The following LRBA variants were observed in gnomAD, a reference collection of about 807,000 sequenced individuals.
The protein encoded by LRBA is LPS responsive beige-like anchor protein.
LRBA carries 176 observed loss-of-function variants against 330.0 expected under a neutral mutation model. That is an observed-to-expected ratio of 0.53 (90% CI 0.47 to 0.60). The LOEUF is 0.60. Among genes scored for constraint, LRBA ranks in the 20% least tolerant of loss-of-function variants. The probability of loss-of-function intolerance (pLI) is 0.00; values close to 1 mark genes in which losing one functional copy is unlikely to be tolerated. For synonymous variants in LRBA, 1,230 were observed against 1,193.0 expected, an observed-to-expected ratio of 1.03 and a Z score of -0.64; for missense variants, 3,259 against 3,444.8, an observed-to-expected ratio of 0.95 and a Z score of 1.35.
chr4:150,409,311 A>G (rs955585969), intron 47 of LRBA, among the ~76,000 whole-genome samples: 1 of 152,078 alleles, frequency 6.6e-6, no homozygotes, highest in African/African-American at 2.4e-5. Flanking sequence ...AACCTGTGAG[A>G]CAATAAATTT....
intron 37 of LRBA, among the ~76,000 whole-genome samples, chr4:150,613,393 G>A (rs9999828): frequency 0.37 from 56,055 of 152,124 alleles, 12,373 homozygotes; most frequent in Admixed American, 0.49. Flanking sequence ...AGAGTTAACA[G>A]ATGTTAACCA....
chr4:150,975,300 G>A (rs1003183701), intron 2 of LRBA, among the ~76,000 whole-genome samples: 5 of 152,118 alleles, frequency 3.3e-5, no homozygotes, highest in East Asian at 1.9e-4. Flanking sequence ...AAGCCAAGGC[G>A]GGTGGGATCA....
At chr4:150,911,051 A>C (rs1731937635) in intron 9 of LRBA, among the ~76,000 whole-genome samples, 1 of 152,036 alleles carries the variant, frequency 6.6e-6, no homozygotes, top group Non-Finnish European at 1.5e-5. Context: ...GTGCCTTGGA[A>C]CTCTGCAGAA....
intron 40 of LRBA, among the ~76,000 whole-genome samples, chr4:150,538,693 C>CA (rs1764959589): frequency 6.6e-6 from 1 of 151,728 alleles, no homozygotes; most frequent in African/African-American, 2.4e-5. Context: ...GCCAGGCGCA[C>CA]ACCTGTAATC....
intron 52 of LRBA, among the ~76,000 whole-genome samples, chr4:150,309,690 A>T (rs1320327779): frequency 6.6e-6 from 1 of 152,112 alleles, no homozygotes; most frequent in African/African-American, 2.4e-5. Context: ...TAGACTGAAA[A>T]TTTTTATATT....
intron 47 of LRBA, among the ~76,000 whole-genome samples, chr4:150,394,081 T>C (rs947985402): frequency 1.3e-5 from 2 of 152,204 alleles, no homozygotes; most frequent in African/African-American, 4.8e-5. Flanking sequence ...GCAGAGAAGA[T>C]TTAATCTTCT....
intron 2 of LRBA, among the ~76,000 whole-genome samples, chr4:150,939,723 T>C (rs571611372): frequency 6.6e-6 from 1 of 152,324 alleles, no homozygotes; most frequent in South Asian, 2.1e-4. Flanking sequence ...TCAGCTTATC[T>C]TCACCCAGAC....
intron 53 of LRBA, among the ~76,000 whole-genome samples, chr4:150,295,289 C>A (rs1051237866): frequency 6.7e-6 from 1 of 150,366 alleles, no homozygotes; most frequent in Non-Finnish European, 1.5e-5. Context: ...GCAGCCTTGA[C>A]CTCCCTGGGC....
chr4:150,615,614 G>A (rs1475594276), intron 37 of LRBA, among the ~76,000 whole-genome samples: 1 of 152,108 alleles, frequency 6.6e-6, no homozygotes. Flanking sequence ...TGAGAAAAAA[G>A]AGAATGTGAG....
intron 35 of LRBA, among the ~76,000 whole-genome samples, chr4:150,735,848 G>C (rs1390235591): frequency 1.3e-5 from 2 of 152,108 alleles, no homozygotes; most frequent in African/African-American, 4.8e-5. Flanking sequence ...AGGAGTCCCG[G>C]TAGACTACCC....
At chr4:150,323,544 C>T (rs981536326) in intron 49 of LRBA, among the ~76,000 whole-genome samples, 1 of 152,178 alleles carries the variant, frequency 6.6e-6, no homozygotes, top group African/African-American at 2.4e-5. Context: ...AACTCTAAGC[C>T]ACACGGCAAG....
At position 150,927,326 on chromosome 4, in the gene LRBA, TCATGG is replaced by T. The variant is rs938009085; in HGVS notation, c.549+1185_549+1189del. Among the ~76,000 whole-genome samples the T allele has an allele frequency of 4.1e-5, 6 of 147,146 alleles. No individual in the cohort carries two copies. In the Admixed American group the frequency reaches 4.1e-4, roughly 10 times the overall value. ...AGGCAGAGCTTGCAGTGAGCCGAGATCATGGCACTGCACTCCAGGCTGGGCAACAG... is the reference window on the plus strand; with the variant it reads ...AGGCAGAGCTTGCAGTGAGCCGAGATCACTGCACTCCAGGCTGGGCAACAG... On this transcript the variant is annotated intron_variant, in intron 4 of 56. Coordinates refer to ENST00000651943, the MANE Select transcript of LRBA (RefSeq NM_001364905.1).
chr4:151,003,152 T>C (rs1449754184), intron 2 of LRBA, among the ~76,000 whole-genome samples: 1 of 151,486 alleles, frequency 6.6e-6, no homozygotes, highest in South Asian at 2.1e-4. Flanking sequence ...TCCCAGCACT[T>C]TGGGAGGCCA....
At chr4:150,324,019 C>A (rs11933114) in intron 49 of LRBA, among the ~76,000 whole-genome samples, 48,078 of 152,096 alleles carry the variant, frequency 0.32, 8,875 homozygotes, top group Non-Finnish European at 0.42. Flanking sequence ...GCGAAAAACA[C>A]AATTTGTGCA....
intron 46 of LRBA, among the ~76,000 whole-genome samples, chr4:150,435,156 C>T (rs1020102472): frequency 6.6e-6 from 1 of 151,808 alleles, no homozygotes; most frequent in Non-Finnish European, 1.5e-5. Flanking sequence ...ACCAGTCTGG[C>T]CAACATGGTG....
chr4:150,799,420 G>C (rs1433360926), intron 33 of LRBA, among the ~76,000 whole-genome samples: 3 of 152,168 alleles, frequency 2.0e-5, no homozygotes, highest in Non-Finnish European at 2.9e-5. Context: ...TGCAGGTGTA[G>C]CCCTCTGCTG....
chr4:150,914,291 T>C lies in LRBA; in HGVS notation c.1065A>G (p.Arg355=). The C allele has an allele frequency of 6.3e-7, 1 of 1,599,942 alleles. No individual in the cohort carries two copies. The highest frequency in any genetic ancestry group is 8.5e-7 in the Non-Finnish European group (1 of 1,171,680). Reference sequence around the variant, plus strand: ...CTGCAGTCATCTGACCACAGAATACTCTATTAGCATCTGCTGTTTCTGATG... The same window carrying C: ...CTGCAGTCATCTGACCACAGAATACCCTATTAGCATCTGCTGTTTCTGATG... ...LGSSETADAN[R]VFCGQMTAVY... The change falls in exon 9 of 57, where the codon AGA becomes AGG. Residue 355 remains arginine, a synonymous_variant. Transcript: ENST00000651943.
chr4:150,534,264 T>C (rs1432820343), intron 40 of LRBA, among the ~76,000 whole-genome samples: 1 of 150,550 alleles, frequency 6.6e-6, no homozygotes, highest in African/African-American at 2.4e-5. Context: ...ACATTATTGT[T>C]CACATTTAAG....
At chr4:150,541,629 G>A (rs147514934) in intron 40 of LRBA, among the ~76,000 whole-genome samples, 80 of 152,202 alleles carry the variant, frequency 5.3e-4, no homozygotes, top group African/African-American at 1.7e-3. Flanking sequence ...GTCTAGTACC[G>A]TTTTATGCTA....
Sources: allele counts gnomAD v4.1 joint callset (sites outside exome capture counted in the v4.1 genomes callset), GRCh38; gene constraint gnomAD v4.1.1; transcripts MANE v1.5; gene names NCBI Gene and HGNC (gene_info 2026-07-23, HGNC 2026-07-21).